The following GPC6 variants were observed in gnomAD, a reference collection of about 807,000 sequenced individuals.
GPC6 encodes the protein glypican 6.
GPC6 carries 14 observed loss-of-function variants against 55.2 expected under a neutral mutation model. The ratio of observed to expected loss-of-function variants is 0.25; its 90% CI spans 0.17 to 0.40. The LOEUF is 0.40. Among genes scored for constraint, GPC6 ranks in the 10% least tolerant of loss-of-function variants. GPC6 has a pLI of 1.00. For synonymous variants in GPC6, 278 were observed against 259.6 expected, an observed-to-expected ratio of 1.07 and a Z score of -0.68; for missense variants, 641 against 708.5, an observed-to-expected ratio of 0.90 and a Z score of 1.08.
intron 2 of GPC6, among the ~76,000 whole-genome samples, chr13:93,621,724 C>A (rs75010052): frequency 2.6e-4 from 40 of 152,214 alleles, no homozygotes; most frequent in African/African-American, 8.7e-4. Context: ...TGAAGCTACC[C>A]TCTTTCTTGA....
At chr13:93,844,234 G>T (rs530620876) in intron 3 of GPC6, among the ~76,000 whole-genome samples, 1 of 152,076 alleles carries the variant, frequency 6.6e-6, no homozygotes, top group Non-Finnish European at 1.5e-5. Context: ...CACTTCCTGC[G>T]TTCAAGTGAT....
At chr13:93,929,976 T>C (rs1424240165) in intron 3 of GPC6, among the ~76,000 whole-genome samples, 2 of 152,118 alleles carry the variant, frequency 1.3e-5, no homozygotes, top group Non-Finnish European at 2.9e-5. Context: ...TGTCAAATAC[T>C]GACAGTAAGT....
chr13:93,219,375 A>G, the GPC6 span, among the ~76,000 whole-genome samples: 1 of 152,184 alleles, frequency 6.6e-6, no homozygotes, highest in African/African-American at 2.4e-5. Flanking sequence ...TACAGGCGTG[A>G]GCCACCATGC....
intron 3 of GPC6, among the ~76,000 whole-genome samples, chr13:93,845,534 G>A (rs1293479620): frequency 5.0e-5 from 7 of 140,670 alleles, no homozygotes; most frequent in Admixed American, 2.3e-4. Flanking sequence ...ACATGCACAT[G>A]TATGTTTATT....
intron 4 of GPC6, among the ~76,000 whole-genome samples, chr13:94,206,457 T>C (rs977190403): frequency 2.0e-5 from 3 of 152,160 alleles, no homozygotes; most frequent in Non-Finnish European, 4.4e-5. Context: ...ATATTACTTA[T>C]GGAGGGGTTT....
intron 2 of GPC6, among the ~76,000 whole-genome samples, chr13:93,613,530 A>ACACACACACACAC (rs1566450041): frequency 1.4e-5 from 2 of 139,910 alleles, no homozygotes; most frequent in African/African-American, 5.9e-5. Context: ...ACACACACAA[A>ACACACACACACAC]ACACACACAC....
chr13:93,777,702 A>C (rs1885514310), intron 2 of GPC6, among the ~76,000 whole-genome samples: 2 of 152,190 alleles, frequency 1.3e-5, no homozygotes, highest in Non-Finnish European at 2.9e-5. Context: ...TTCCAAAGCT[A>C]ATGTGTACAA....
intron 6 of GPC6, among the ~76,000 whole-genome samples, chr13:94,333,645 C>CCTAAGAGTAGG (rs1195240742): frequency 2.0e-5 from 3 of 152,184 alleles, no homozygotes; most frequent in African/African-American, 7.2e-5. Context: ...CTGCAATAAC[C>CCTAAGAGTAGG]CTAAGAGTAG....
chr13:94,334,256 G>A (rs1449818893), intron 6 of GPC6, among the ~76,000 whole-genome samples: 1 of 152,176 alleles, frequency 6.6e-6, no homozygotes, highest in Non-Finnish European at 1.5e-5. Context: ...GCATGGCTGT[G>A]CTTCACTAAC....
At chr13:93,751,768 C>G (rs530062655) in intron 2 of GPC6, among the ~76,000 whole-genome samples, 13 of 152,160 alleles carry the variant, frequency 8.5e-5, no homozygotes, top group African/African-American at 2.9e-4. Flanking sequence ...TCAAGTGATT[C>G]TCCTGCTTCA....
chr13:93,347,706 G>A (rs1309533910), intron 1 of GPC6, among the ~76,000 whole-genome samples: 1 of 152,122 alleles, frequency 6.6e-6, no homozygotes, highest in Non-Finnish European at 1.5e-5. Flanking sequence ...TGCAAGCTTT[G>A]ATCTTTATTA....
chr13:93,764,528 G>A (rs370301581), intron 2 of GPC6, among the ~76,000 whole-genome samples: 1 of 150,908 alleles, frequency 6.6e-6, no homozygotes, highest in Non-Finnish European at 1.5e-5. Flanking sequence ...GATATTTTTT[G>A]TACCTTTTTT....
chr13:93,700,999 T>C (rs576343194), intron 2 of GPC6, among the ~76,000 whole-genome samples: 1 of 152,228 alleles, frequency 6.6e-6, no homozygotes, highest in South Asian at 2.1e-4. Context: ...TGTAAAACAA[T>C]TTGTACTTAC....
chr13:93,889,509 GAAGAA>G (rs770873137), intron 3 of GPC6, among the ~76,000 whole-genome samples: 4 of 152,024 alleles, frequency 2.6e-5, no homozygotes, highest in Non-Finnish European at 2.9e-5. Context: ...ATCATCAAAG[GAAGAA>G]AAAACCCTTT....
chr13:93,485,399 A>C (rs901747610), intron 1 of GPC6, among the ~76,000 whole-genome samples: 1 of 152,228 alleles, frequency 6.6e-6, no homozygotes, highest in Non-Finnish European at 1.5e-5. Context: ...ATTAGATCTG[A>C]TGACCAGTCA....
chr13:93,446,759 T>C lies in GPC6; in HGVS notation c.161-98504T>C, dbSNP rs118191874. On this transcript the variant is annotated intron_variant, in intron 1 of 8. Coordinates refer to ENST00000377047, the MANE Select transcript of GPC6 (RefSeq NM_005708.5). ...TGTTAGATTCGATGTTTGCTTTTTC[T>C]TTGAAAATATGAACTTGAACGAGGT... 3.6e-3 allele frequency among the ~76,000 whole-genome samples: 544 copies of C among 152,324 alleles called. 17 individuals carry two copies. In the East Asian group the frequency reaches 0.058, roughly 16 times the overall value.
chr13:93,769,432 A>C (rs1885221363), intron 2 of GPC6, among the ~76,000 whole-genome samples: 1 of 99,778 alleles, frequency 1.0e-5, no homozygotes, highest in Non-Finnish European at 2.5e-5. Context: ...GCTGCACGTG[A>C]CAAAAAAAAA....
intron 1 of GPC6, among the ~76,000 whole-genome samples, chr13:93,343,758 T>A (rs908693088): frequency 6.6e-6 from 1 of 152,192 alleles, no homozygotes; most frequent in Non-Finnish European, 1.5e-5. Context: ...CTTTAACACA[T>A]CCTTATTTTC....
intron 2 of GPC6, among the ~76,000 whole-genome samples, chr13:93,714,340 C>G (rs1446658290): frequency 1.3e-5 from 2 of 151,866 alleles, no homozygotes; most frequent in East Asian, 3.9e-4. Context: ...AAATGCCCAT[C>G]ATCACTAGTC....
Sources: allele counts gnomAD v4.1 joint callset (sites outside exome capture counted in the v4.1 genomes callset), GRCh38; gene constraint gnomAD v4.1.1; transcripts MANE v1.5; gene names NCBI Gene and HGNC (gene_info 2026-07-23, HGNC 2026-07-21).